TEAD2: variants seen among roughly 807,000 people sequenced by gnomAD.
The protein encoded by TEAD2 is TEA domain transcription factor 2.
Under a neutral mutation model 61.4 loss-of-function variants are expected in TEAD2, and 51 were observed. That is an observed-to-expected ratio of 0.83 (90% CI 0.66 to 1.05). TEAD2 has a LOEUF of 1.05. Among genes scored for constraint, TEAD2 ranks in the 50% least tolerant of loss-of-function variants. The pLI is 0.00. For synonymous variants in TEAD2, 244 were observed against 243.2 expected (o/e 1.00, Z -0.03); for missense variants, 509 against 600.0 (o/e 0.85, Z 1.58).
rs1411537775 is a variant in TEAD2 at position 49,359,880 on chromosome 19, G to A, written c.196C>T (p.Arg66Trp). 2.5e-6 allele frequency: 4 copies of A among 1,613,636 alleles called. No homozygotes were observed. Among genetic ancestry groups the A allele is most frequent in the Non-Finnish European group, 3.4e-6 (4 of 1,180,012 alleles). The change falls in exon 2 of 13, where the codon CGG (arginine) becomes TGG (tryptophan). Residue 66 changes from arginine to tryptophan, a missense_variant. Physicochemically the swap from Arg to Trp is moderately radical, Grantham distance 101. Coordinates refer to ENST00000593945, the MANE Select transcript of TEAD2 (RefSeq NM_001256660.2). This position sits in a 1 kb window ranked among gnomAD's most constrained non-coding sequence, Gnocchi z 4.1. ...CCTTCATCAGACAAAATTATTTTCC[G>A]GCGGCCGCAGGGTGGATAGATGGCC... ...ALAIYPPCGR[R>W]KIILSDEGKM...
chr19:49,360,950 G>C (rs922203129), intron 1 of TEAD2, among the ~76,000 whole-genome samples: 1 of 118,544 alleles, frequency 8.4e-6, no homozygotes, highest in Non-Finnish European at 1.7e-5. Context: ...GGGGGGGACA[G>C]AGACCAGTGA....
At position 49,341,582 on chromosome 19, in the gene TEAD2, A is replaced by G. The variant is rs1355156745; in HGVS notation, c.1243-145T>C. 2 of 681,438 alleles carry G rather than the reference A, an allele frequency of 2.9e-6. No individual in the cohort carries two copies. Among genetic ancestry groups the G allele is most frequent in the Non-Finnish European group, 5.1e-6 (2 of 394,844 alleles). The allele number at this position is 681,438 out of a possible 1,614,324, so 42.2% of individuals were successfully genotyped here. On this transcript the variant is annotated intron_variant, in intron 12 of 12. Transcript: ENST00000593945. This position sits in a 1 kb window ranked among gnomAD's most constrained non-coding sequence, Gnocchi z 4.2. ...CCGCCACCATATCATGTTCCCCAGG[A>G]GAAAGGGATGCCCAAAAGTCAGTTC... is the stretch of plus-strand genomic sequence containing the variant.
chr19:49,354,930 G>A (rs1171021334), intron 7 of TEAD2, among the ~76,000 whole-genome samples: 2 of 152,116 alleles, frequency 1.3e-5, no homozygotes, highest in South Asian at 2.1e-4. Flanking sequence ...CTCAGGAAGC[G>A]GAGGTTGCAG....
At chr19:49,361,178 A>C (rs1972879023) in intron 1 of TEAD2, among the ~76,000 whole-genome samples, 1 of 129,408 alleles carries the variant, frequency 7.7e-6, no homozygotes, top group Non-Finnish European at 1.6e-5. Context: ...CAGGGACCAG[A>C]GAGAGGGGTC....
chr19:49,359,120 C>G lies in TEAD2; in HGVS notation c.297+315G>C, dbSNP rs2146629072. Among the ~76,000 whole-genome samples, 1 of 152,204 alleles carries G rather than the reference C, an allele frequency of 6.6e-6. No homozygotes were observed. Among genetic ancestry groups the G allele is most frequent in the East Asian group, 2.0e-4 (1 of 5,110 alleles). ...AGGCATGGTAGTGCATGTCTGTAATCCCTGCTACTCGGGAGGCTGAGACAG... is the reference window on the plus strand; with the variant it reads ...AGGCATGGTAGTGCATGTCTGTAATGCCTGCTACTCGGGAGGCTGAGACAG... On this transcript the variant is annotated intron_variant, in intron 3 of 12. Transcript: ENST00000593945. The surrounding 1 kb of genome is among the most constrained non-coding windows in gnomAD (Gnocchi z 4.1).
At chr19:49,352,441 G>T (rs1972084277) in intron 7 of TEAD2, among the ~76,000 whole-genome samples, 1 of 152,186 alleles carries the variant, frequency 6.6e-6, no homozygotes, top group African/African-American at 2.4e-5. Flanking sequence ...AGGCGCAGTC[G>T]CTCACGCCTG....
Position 49,348,831 on chromosome 19 carries a change from G to C in TEAD2, c.619C>G (p.Gln207Glu), listed in dbSNP as rs781338325. The C allele has an allele frequency of 6.4e-7, 1 of 1,572,366 alleles. No homozygotes were observed. The highest frequency in any genetic ancestry group is 1.2e-5 in the South Asian group (1 of 86,152). Residue 207 changes from glutamine (Q) to glutamate (E), a missense_variant, in exon 9 of 13, where the codon CAA (glutamine) becomes GAA (glutamate). Transcript: ENST00000593945. ...GGTGGGGGCAGGGGTGAGAGGGCTTGGGGGGGCTCGTACCCTAGAGAGAGA... is the reference window on the plus strand; with the variant it reads ...GGTGGGGGCAGGGGTGAGAGGGCTTCGGGGGGCTCGTACCCTAGAGAGAGA... ...STDLPGYEPP[Q>E]ALSPLPPPTP...
Position 49,341,413 on chromosome 19 carries a change from C to G in TEAD2, c.1267G>C (p.Glu423Gln). The G allele has an allele frequency of 6.2e-7, 1 of 1,613,996 alleles. No homozygotes were observed. The highest frequency in any genetic ancestry group is 8.5e-7 in the Non-Finnish European group (1 of 1,179,940). The change falls in exon 13 of 13, where the codon GAA (glutamate) becomes CAA (glutamine). Residue 423 changes from glutamate (E) to glutamine (Q), a missense_variant. Glu to Gln is a conservative substitution (Grantham distance 29, BLOSUM62 2). Transcript: ENST00000593945. This position sits in a 1 kb window ranked among gnomAD's most constrained non-coding sequence, Gnocchi z 4.2. ...ACATAGGCGGTGCAGAGCAGCAGTTCCTGGGTGTCTCTGTTTGTCACCACC... is the reference window on the plus strand; with the variant it reads ...ACATAGGCGGTGCAGAGCAGCAGTTGCTGGGTGTCTCTGTTTGTCACCACC... ...LQVVTNRDTQ[E>Q]LLLCTAYVFE...
intron 11 of TEAD2, among the ~76,000 whole-genome samples, chr19:49,342,965 G>A (rs7255593): frequency 0.01 from 1,589 of 152,036 alleles, 27 homozygotes; most frequent in African/African-American, 0.036. Context: ...GAACCTTCTT[G>A]CCCTAAGAAC....
At chr19:49,343,642 G>A (rs1450899319) in intron 10 of TEAD2, among the ~76,000 whole-genome samples, 1 of 151,778 alleles carries the variant, frequency 6.6e-6, no homozygotes, top group African/African-American at 2.4e-5. Context: ...GGACACTGAC[G>A]CAGGAGAATC....
chr19:49,359,947 C>A lies in TEAD2; in HGVS notation c.129G>T (p.Gly43=), dbSNP rs755034293. The A allele has an allele frequency of 5.0e-5, 81 of 1,611,900 alleles. No individual in the cohort carries two copies. Among genetic ancestry groups the A allele is most frequent in the Non-Finnish European group, 6.7e-5 (79 of 1,180,012 alleles). The change falls in exon 2 of 13, where the codon GGG becomes GGT. Residue 43 remains glycine, a synonymous_variant. Coordinates refer to ENST00000593945, the MANE Select transcript of TEAD2 (RefSeq NM_001256660.2). This position sits in a 1 kb window ranked among gnomAD's most constrained non-coding sequence, Gnocchi z 4.1. ...AGGDGGPDAE[G]VWSPDIEQSF... ...TCTGCTCAATGTCTGGGCTCCACAC[C>A]CCCTCTGCATCCGGGCCCCCGTCAC...
chr19:49,358,858 C>T (rs988174330), intron 3 of TEAD2, among the ~76,000 whole-genome samples: 3 of 149,746 alleles, frequency 2.0e-5, no homozygotes, highest in African/African-American at 4.9e-5. Flanking sequence ...GTCTCGATCT[C>T]CTGACCTCCT....
chr19:49,359,831 G>C lies in TEAD2; in HGVS notation c.232+13C>G, dbSNP rs1331347185. The C allele has an allele frequency of 6.2e-7, 1 of 1,612,116 alleles. No homozygotes were observed. Among genetic ancestry groups the C allele is most frequent in the Non-Finnish European group, 8.5e-7 (1 of 1,179,336 alleles). ...TCAGTGGGGGCCAGGGCAAAAGACA[G>C]AAGTAGACTCACCATACATCTTGCC... is the stretch of plus-strand genomic sequence containing the variant. On this transcript the variant is annotated intron_variant, in intron 2 of 12. Coordinates refer to ENST00000593945, the MANE Select transcript of TEAD2 (RefSeq NM_001256660.2). The surrounding 1 kb of genome is among the most constrained non-coding windows in gnomAD (Gnocchi z 4.1).
At chr19:49,347,054 C>T in intron 10 of TEAD2, 136 bp downstream of exon 10, 1 of 1,243,602 alleles carries the variant, frequency 8.0e-7, no homozygotes, top group Non-Finnish European at 1.1e-6. Context: ...GGGGCTGACA[C>T]TCCAAGCCAT....
chr19:49,353,433 C>T (rs189683033), intron 7 of TEAD2, among the ~76,000 whole-genome samples: 2 of 152,168 alleles, frequency 1.3e-5, no homozygotes, highest in Admixed American at 6.5e-5. Flanking sequence ...TAAGTCCTAC[C>T]CGGCCTTCAA....
rs201241560 is a variant in TEAD2, at chr19:49,347,220, G to C, written c.891C>G (p.Pro297=). ...GGLRELYDRG[P]PHAFFLVKFW... ...ACTTGACCAGGAAGAAGGCATGGGG[G>C]GGGCCACGATCATATAGCTCTCGGA... The change falls in exon 10 of 13, where the codon CCC becomes CCG. Residue 297 remains proline (P), a synonymous_variant. Transcript: ENST00000593945. 3 of 1,614,048 alleles carry C rather than the reference G, an allele frequency of 1.9e-6. No individual in the cohort carries two copies. The highest frequency in any genetic ancestry group is 2.2e-5 in the East Asian group (1 of 44,886).
chr19:49,341,288 G>T lies in TEAD2; in HGVS notation c.*36C>A. The T allele has an allele frequency of 6.4e-7, 1 of 1,559,842 alleles. No homozygotes were observed. The highest frequency in any genetic ancestry group is 1.1e-5 in the South Asian group (1 of 89,978). ...CTGGAGGACCCTCCCTGGGAGGAGG[G>T]TGTTCTGGGGGGTGAGCCAGTTTTG... is the stretch of plus-strand genomic sequence containing the variant. On this transcript the variant is annotated 3_prime_UTR_variant, in exon 13 of 13. Transcript: ENST00000593945. This position sits in a 1 kb window ranked among gnomAD's most constrained non-coding sequence, Gnocchi z 4.2.
At chr19:49,360,230 G>C (rs1243712668) in intron 1 of TEAD2, 149 bp from the exon 2 acceptor site, 1 of 648,416 alleles carries the variant, frequency 1.5e-6, no homozygotes, top group Non-Finnish European at 2.6e-6. Flanking sequence ...GGAGCTGGGG[G>C]GTATTCCTGG....
At chr19:49,350,909 G>A (rs1178206851) in intron 8 of TEAD2, among the ~76,000 whole-genome samples, 3 of 152,022 alleles carry the variant, frequency 2.0e-5, no homozygotes, top group African/African-American at 4.8e-5. Flanking sequence ...GGCCGGGTGC[G>A]GTGGCTCACA....
Sources: allele counts gnomAD v4.1 joint callset (sites outside exome capture counted in the v4.1 genomes callset), GRCh38; gene constraint gnomAD v4.1.1; non-coding constraint Gnocchi (gnomAD v3.1); transcripts MANE v1.5; gene names NCBI Gene and HGNC (gene_info 2026-07-23, HGNC 2026-07-21).